The following ZNF283 variants were observed in gnomAD, a reference collection of about 807,000 sequenced individuals.
The protein encoded by ZNF283 is zinc finger protein 283, also known as zinc finger protein 41.
A neutral mutation model predicts 9.2 loss-of-function variants in ZNF283; 10 were observed. That is an observed-to-expected ratio of 1.09 (90% CI 0.67 to 1.85). The LOEUF (loss-of-function observed/expected upper bound fraction) is 1.85, where lower values mean the gene tolerates loss of function less well. Ranked by LOEUF, ZNF283 falls within the 40% of genes most tolerant of loss-of-function variation. The pLI is 0.00. For missense variants in ZNF283, 631 were observed against 760.1 expected, an observed-to-expected ratio of 0.83 and a Z score of 2.00; for synonymous variants, 234 against 244.1, an observed-to-expected ratio of 0.96 and a Z score of 0.38.
At chr19:43,838,283 T>A (rs982851980) in intron 6 of ZNF283, among the ~76,000 whole-genome samples, 2 of 152,150 alleles carry the variant, frequency 1.3e-5, no homozygotes, top group African/African-American at 4.8e-5. Context: ...GCAGTTGCCC[T>A]TTTTCCCTTC....
In ZNF283 at chr19:43,848,739, C is replaced by T; in HGVS notation, c.*98C>T. The T allele has an allele frequency of 8.1e-7, 1 of 1,241,658 alleles. No individual in the cohort carries two copies. The highest frequency in any genetic ancestry group is 2.0e-5 in the South Asian group (1 of 49,474). 76.9% of individuals were successfully genotyped at this position (1,241,658 alleles called of 1,614,324 possible). A position where few individuals can be genotyped will look rare whatever the true frequency, so the allele number is the denominator to read the frequency against. ...AAACCTTGTGAATGTAAGGGTTGTG[C>T]AAAAGCCATTCATTTCTGTTTATGG... On this transcript the variant is annotated 3_prime_UTR_variant, in exon 7 of 7. Coordinates refer to ENST00000618787, the MANE Select transcript of ZNF283 (RefSeq NM_181845.2).
chr19:43,837,325 G>C (rs1237596719), intron 6 of ZNF283, 146 bp downstream of exon 6: 1 of 812,922 alleles, frequency 1.2e-6, no homozygotes, highest in African/African-American at 1.8e-5. Context: ...TGCTGGGTTA[G>C]AAATGGGTTT....
At chr19:43,827,766 A>C (rs1010884660) in intron 1 of ZNF283, 2 of 152,230 alleles carry the variant, frequency 1.3e-5, no homozygotes, top group South Asian at 4.1e-4. Flanking sequence ...GCTTTGACCA[A>C]ATGCTCTAGG....
Position 43,847,362 on chromosome 19 carries a change from A to G in ZNF283, c.761A>G (p.Gln254Arg), listed in dbSNP as rs1971443040. Reference sequence around the variant, plus strand: ...AGTGCCTATCAACTCAATGTGCATCAGAGATTTCATACTGGTGAGAAACCC... The same window carrying G: ...AGTGCCTATCAACTCAATGTGCATCGGAGATTTCATACTGGTGAGAAACCC... ...YLSAYQLNVH[Q>R]RFHTGEKPYE... Residue 254 changes from glutamine (Q) to arginine (R), a missense_variant, in exon 7 of 7, where the codon CAG becomes CGG. Around this residue, in one of 3 missense-constraint regions of ZNF283, gnomAD observed 444 missense variants for 522.5 expected, o/e 0.85. Transcript: ENST00000618787. 1 of 1,613,978 alleles carries G rather than the reference A, an allele frequency of 6.2e-7. No individual in the cohort carries two copies. Among genetic ancestry groups the G allele is most frequent in the Non-Finnish European group, 8.5e-7 (1 of 1,179,982 alleles).
intron 4 of ZNF283, among the ~76,000 whole-genome samples, chr19:43,834,830 A>ACCC (rs1299305756): frequency 6.6e-6 from 1 of 151,980 alleles, no homozygotes; most frequent in African/African-American, 2.4e-5. Context: ...TCCTGACCTC[A>ACCC]TAATCCACCC....
chr19:43,847,655 T>C lies in ZNF283; in HGVS notation c.1054T>C (p.Cys352Arg), dbSNP rs769239883. Residue 352 changes from cysteine to arginine, a missense_variant, in exon 7 of 7, where the codon TGT becomes CGT. Cys to Arg is a radical substitution (Grantham distance 180, BLOSUM62 -3). Around this residue, in one of 3 missense-constraint regions of ZNF283, gnomAD observed 444 missense variants for 522.5 expected, o/e 0.85. Coordinates refer to ENST00000618787, the MANE Select transcript of ZNF283 (RefSeq NM_181845.2). ...TGEKPYKCKE[C>R]GKAFSRGYQL... ...TGAGAAACCTTATAAATGTAAAGAA[T>C]GTGGGAAGGCCTTCAGTCGTGGCTA... 6.2e-7 allele frequency: 1 copy of C among 1,613,658 alleles called. No homozygotes were observed. The highest frequency in any genetic ancestry group is 8.5e-7 in the Non-Finnish European group (1 of 1,179,744).
intron 6 of ZNF283, chr19:43,841,434 C>CTTTTTTTT (rs557533523): frequency 7.7e-6 from 1 of 129,608 alleles, no homozygotes; most frequent in Non-Finnish European, 1.6e-5. Flanking sequence ...CTAATTTTAT[C>CTTTTTTTT]TTTTTTTTTT....
chr19:43,838,559 G>C (rs1196815701), intron 6 of ZNF283, among the ~76,000 whole-genome samples: 4 of 152,114 alleles, frequency 2.6e-5, no homozygotes, highest in Non-Finnish European at 4.4e-5. Context: ...AACCTAAGAG[G>C]TTGAGGCTGC....
chr19:43,831,477 T>A (rs1402591018), intron 3 of ZNF283, 96 bp downstream of exon 3: 2 of 996,330 alleles, frequency 2.0e-6, no homozygotes, highest in Non-Finnish European at 1.5e-6. Context: ...TGTCACTCAG[T>A]TTTTTACATT....
Position 43,831,378 on chromosome 19 carries a change from G to A in ZNF283, c.-4G>A, listed in dbSNP as rs1360881012. ...AATAACAGCTACAGGATGTTCGAGA[G>A]CTGGTAGGTGTAAATTGTTTCAGGC... On this transcript the variant is annotated 5_prime_UTR_variant, in exon 3 of 7. Transcript: ENST00000618787. 1.3e-6 allele frequency: 2 copies of A among 1,594,216 alleles called. No homozygotes were observed. The highest frequency in any genetic ancestry group is 2.7e-5 in the African/African-American group (2 of 74,890).
intron 6 of ZNF283, among the ~76,000 whole-genome samples, chr19:43,843,583 A>G (rs1424448242): frequency 6.6e-6 from 1 of 152,194 alleles, no homozygotes; most frequent in African/African-American, 2.4e-5. Context: ...GCTTCCTAAT[A>G]CATTAAGATT....
At chr19:43,841,110 T>C (rs1409861468) in intron 6 of ZNF283, 3 of 152,214 alleles carry the variant, frequency 2.0e-5, no homozygotes, top group Admixed American at 6.5e-5. Flanking sequence ...ATTCATTTAA[T>C]GTCACTATTG....
chr19:43,847,810 T>C lies in ZNF283; in HGVS notation c.1209T>C (p.Tyr403=), dbSNP rs1239867524. The change falls in exon 7 of 7, where the codon TAT becomes TAC. Residue 403 remains tyrosine (Y), a synonymous_variant. Coordinates refer to ENST00000618787, the MANE Select transcript of ZNF283 (RefSeq NM_181845.2). ...HQIFHTGEKP[Y]ECKECGKAFN... ...TATTTCATACTGGTGAGAAACCCTA[T>C]GAATGCAAGGAATGTGGGAAGGCTT... 5.0e-6 allele frequency: 8 copies of C among 1,613,938 alleles called. No homozygotes were observed. The highest frequency in any genetic ancestry group is 6.8e-6 in the Non-Finnish European group (8 of 1,179,938).
chr19:43,846,808 CA>C (rs1971414957), intron 6 of ZNF283, 130 bp from the exon 7 acceptor site: 4 of 670,866 alleles, frequency 6.0e-6, no homozygotes, highest in African/African-American at 5.5e-5. Flanking sequence ...TGTTATTTAA[CA>C]AGGGAGTGCC....
In ZNF283 at chr19:43,850,931, G is replaced by A. The variant is rs1007233240; in HGVS notation, c.*2290G>A. On this transcript the variant is annotated 3_prime_UTR_variant, in exon 7 of 7. Coordinates refer to ENST00000618787, the MANE Select transcript of ZNF283 (RefSeq NM_181845.2). ...TTTGAAAATAATGTCAGTTCCATCA[G>A]AACTAATGCATTGATAACTAAATGT... 1 of 152,134 alleles carries A rather than the reference G, an allele frequency of 6.6e-6. No homozygotes were observed. The highest frequency in any genetic ancestry group is 2.4e-5 in the African/African-American group (1 of 41,418). 9.4% of individuals were successfully genotyped at this position (152,134 alleles called of 1,614,324 possible).
Position 43,846,932 on chromosome 19 carries a change from C to G in ZNF283, c.338-7C>G. 3 of 1,247,540 alleles carry G rather than the reference C, an allele frequency of 2.4e-6. No individual in the cohort carries two copies. The highest frequency in any genetic ancestry group is 3.1e-6 in the Non-Finnish European group (3 of 965,084). The allele number at this position is 1,247,540 out of a possible 1,614,324, so 77.3% of individuals were successfully genotyped here. ...ATAAAATGTGTGGTTTTCTTGTTTT[C>G]TTTCAGATTTGGAGTCAAAAACGTA... is the stretch of plus-strand genomic sequence containing the variant. On this transcript the variant is annotated splice_region_variant and splice_polypyrimidine_tract_variant and intron_variant, in intron 6 of 6. Coordinates refer to ENST00000618787, the MANE Select transcript of ZNF283 (RefSeq NM_181845.2).
At chr19:43,846,392 T>C (rs1441841184) in intron 6 of ZNF283, among the ~76,000 whole-genome samples, 1 of 152,228 alleles carries the variant, frequency 6.6e-6, no homozygotes, top group African/African-American at 2.4e-5. Flanking sequence ...TTGCTTTATC[T>C]CAGGGGTTGG....
At chr19:43,830,389 A>G (rs1049371282) in intron 2 of ZNF283, among the ~76,000 whole-genome samples, 3 of 151,380 alleles carry the variant, frequency 2.0e-5, no homozygotes, top group Non-Finnish European at 4.4e-5. Context: ...TACGACAGGA[A>G]GTCTTAACCT....
rs116028283 is a variant in ZNF283, at chr19:43,845,768, A to G, written c.338-1171A>G. Among the ~76,000 whole-genome samples the G allele has an allele frequency of 4.5e-4, 68 of 152,258 alleles. 1 individual carries two copies. The highest frequency in any genetic ancestry group is 1.6e-3 in the African/African-American group (66 of 41,566). ...CCCTTAGCTAGCAGTCTTTTCTATC[A>G]TATCATACTTATGTCACTTTTTTCA... On this transcript the variant is annotated intron_variant, in intron 6 of 6. Coordinates refer to ENST00000618787, the MANE Select transcript of ZNF283 (RefSeq NM_181845.2).
Sources: gnomAD v4.1 joint callset for allele counts (sites outside exome capture counted in the v4.1 genomes callset) on GRCh38, gnomAD v4.1.1 for gene constraint, gnomAD v4.1.1 regional missense constraint, MANE v1.5 for transcripts, NCBI Gene and HGNC (gene_info 2026-07-23, HGNC 2026-07-21) for gene names.